The following CSNK1G3 variants were observed in gnomAD, a reference collection of about 807,000 sequenced individuals.
The protein encoded by CSNK1G3 is casein kinase I isoform gamma-3.
CSNK1G3 carries 23 observed loss-of-function variants against 64.3 expected under a neutral mutation model. The ratio of observed to expected loss-of-function variants is 0.36; its 90% confidence interval spans 0.26 to 0.51. The LOEUF (loss-of-function observed/expected upper bound fraction) is 0.51. Among genes scored for constraint, CSNK1G3 ranks in the 20% least tolerant of loss-of-function variants. The pLI is 0.96. For missense variants in CSNK1G3, 357 were observed against 510.5 expected, an observed-to-expected ratio of 0.70 and a Z score of 2.90; for synonymous variants, 158 against 162.2, an observed-to-expected ratio of 0.97 and a Z score of 0.20.
intron 12 of CSNK1G3, among the ~76,000 whole-genome samples, chr5:123,605,884 T>A (rs1435432108): frequency 3.3e-5 from 5 of 152,112 alleles, no homozygotes; most frequent in Non-Finnish European, 7.4e-5. Context: ...TCTAAATGGT[T>A]GCTAATAATT....
chr5:123,513,623 T>G (rs2149858350), intron 1 of CSNK1G3, among the ~76,000 whole-genome samples: 1 of 152,312 alleles, frequency 6.6e-6, no homozygotes, highest in South Asian at 2.1e-4. Flanking sequence ...TTTTTGCAAT[T>G]ACTTAGTCCG....
chr5:123,613,235 C>G (rs1430203825), intron 12 of CSNK1G3, among the ~76,000 whole-genome samples: 1 of 150,062 alleles, frequency 6.7e-6, no homozygotes, highest in Admixed American at 6.6e-5. Context: ...TCAGTTCATA[C>G]CAGACCACAG....
intron 6 of CSNK1G3, among the ~76,000 whole-genome samples, chr5:123,579,107 G>C (rs1328933090): frequency 1.3e-5 from 2 of 151,706 alleles, no homozygotes; most frequent in Admixed American, 1.3e-4. Flanking sequence ...TTCAAATCCT[G>C]ATCTTAGCTT....
intron 1 of CSNK1G3, among the ~76,000 whole-genome samples, chr5:123,537,535 A>G (rs895519314): frequency 6.6e-6 from 1 of 152,196 alleles, no homozygotes; most frequent in Non-Finnish European, 1.5e-5. Flanking sequence ...CAATCTATGT[A>G]TGTAACAAAA....
intron 3 of CSNK1G3, among the ~76,000 whole-genome samples, chr5:123,554,373 T>C (rs866079671): frequency 9.2e-5 from 14 of 152,290 alleles, no homozygotes; most frequent in African/African-American, 3.1e-4. Flanking sequence ...GTTCACACTA[T>C]CAAGCTCTCA....
At chr5:123,578,145 A>G (rs1789536300) in intron 6 of CSNK1G3, among the ~76,000 whole-genome samples, 1 of 152,004 alleles carries the variant, frequency 6.6e-6, no homozygotes, top group African/African-American at 2.4e-5. Flanking sequence ...CTTATGAATA[A>G]AACTTGTATA....
At chr5:123,523,055 A>G (rs1778411596) in intron 1 of CSNK1G3, among the ~76,000 whole-genome samples, 1 of 152,166 alleles carries the variant, frequency 6.6e-6, no homozygotes, top group South Asian at 2.1e-4. Context: ...TTTAGGTTAT[A>G]TTTATCATAT....
chr5:123,541,233 A>G (rs556491676), intron 1 of CSNK1G3, among the ~76,000 whole-genome samples: 2 of 152,004 alleles, frequency 1.3e-5, no homozygotes, highest in South Asian at 4.1e-4. Context: ...ATTCATATTT[A>G]TGGTTTTTAT....
At position 123,536,440 on chromosome 5, in the gene CSNK1G3, T is replaced by A. The variant is rs929007499; in HGVS notation, c.-247-8977T>A. On this transcript the variant is annotated intron_variant, in intron 1 of 12. Coordinates refer to ENST00000345990, the Ensembl canonical transcript of CSNK1G3. ...ATATGAAGGGCTTTTTTTTTTTTTT[T>A]AAAAAAAAAAGCTTCTTAAAGCTAG... Among the ~76,000 whole-genome samples the A allele has an allele frequency of 6.3e-3, 748 of 118,848 alleles. 8 individuals carry two copies. The highest frequency in any genetic ancestry group is 0.016 in the African/African-American group (543 of 33,000). 78.0% of individuals were successfully genotyped at this position (118,848 alleles called of 152,430 possible).
In CSNK1G3 at chr5:123,585,171, C is replaced by T. The variant is rs370521918; in HGVS notation, c.674-2897C>T. Among the ~76,000 whole-genome samples the T allele has an allele frequency of 1.5e-3, 233 of 151,908 alleles. 1 individual carries two copies. Among genetic ancestry groups the T allele is most frequent in the African/African-American group, 5.5e-3 (229 of 41,426 alleles). On this transcript the variant is annotated intron_variant, in intron 6 of 12. Coordinates refer to ENST00000345990, the Ensembl canonical transcript of CSNK1G3. ...CTGAAATAGACTTATACATAGATGG[C>T]CGATTGATTTTTGAGAATGGTGCAA...
At chr5:123,579,162 G>A (rs1389143004) in intron 6 of CSNK1G3, among the ~76,000 whole-genome samples, 1 of 151,804 alleles carries the variant, frequency 6.6e-6, no homozygotes, top group Non-Finnish European at 1.5e-5. Context: ...TATAGAGCAT[G>A]TCCCTGCTCT....
chr5:123,573,525 T>C (rs1476146330), exon 5 of CSNK1G3: 2 of 1,611,594 alleles, frequency 1.2e-6, no homozygotes, highest in Non-Finnish European at 1.7e-6. Flanking sequence ...ACAGTTCTCA[T>C]GATAGCTATA....
intron 4 of CSNK1G3, 118 bp from the exon 5 acceptor site, chr5:123,573,275 A>C: frequency 9.5e-7 from 1 of 1,054,876 alleles, no homozygotes; most frequent in Non-Finnish European, 1.4e-6. Flanking sequence ...GTATCTGGAA[A>C]AAGTGATAGT....
At chr5:123,565,879 G>A (rs144119445) in intron 4 of CSNK1G3, among the ~76,000 whole-genome samples, 1 of 152,060 alleles carries the variant, frequency 6.6e-6, no homozygotes, top group Non-Finnish European at 1.5e-5. Context: ...AACCCATGAG[G>A]GATCTGCCCC....
At chr5:123,582,776 T>A (rs1322788360) in intron 6 of CSNK1G3, among the ~76,000 whole-genome samples, 1 of 152,164 alleles carries the variant, frequency 6.6e-6, no homozygotes, top group African/African-American at 2.4e-5. Context: ...ACTTTTTTCA[T>A]GTAAAAGAAC....
intron 4 of CSNK1G3, among the ~76,000 whole-genome samples, chr5:123,558,100 C>A (rs1784963962): frequency 6.6e-6 from 1 of 152,146 alleles, no homozygotes. Flanking sequence ...GAAGAGGCTT[C>A]TAGTACTTTC....
chr5:123,551,976 A>C (rs911656321), intron 2 of CSNK1G3, among the ~76,000 whole-genome samples: 1 of 152,174 alleles, frequency 6.6e-6, no homozygotes, highest in South Asian at 2.1e-4. Context: ...TTAGTACTCT[A>C]CTTTGACTAC....
At chr5:123,555,482 C>A (rs184173655) in intron 3 of CSNK1G3, among the ~76,000 whole-genome samples, 1 of 152,220 alleles carries the variant, frequency 6.6e-6, no homozygotes, top group East Asian at 1.9e-4. Context: ...ATACTTTGCT[C>A]GGTACAAATA....
chr5:123,540,218 C>T (rs1424905887), intron 1 of CSNK1G3, among the ~76,000 whole-genome samples: 1 of 151,884 alleles, frequency 6.6e-6, no homozygotes, highest in Admixed American at 6.6e-5. Context: ...TTTTTCATTT[C>T]AGATATGACA....
Sources: allele counts gnomAD v4.1 joint callset (sites outside exome capture counted in the v4.1 genomes callset), GRCh38; gene constraint gnomAD v4.1.1; transcripts MANE v1.5; gene names NCBI Gene and HGNC (gene_info 2026-07-23, HGNC 2026-07-21).